Variants in XKR4 observed in about 807,000 individuals in gnomAD.
XKR4 encodes XK related 4, also known as XK-related protein 4.
In XKR4, 12 loss-of-function variants were observed where a neutral mutation model predicts 53.9. The observed-to-expected ratio is 0.22, with a 90% CI of 0.14 to 0.36. XKR4 has a LOEUF of 0.36. Among genes scored for constraint, XKR4 ranks in the 10% least tolerant of loss-of-function variants. XKR4 has a pLI of 1.00. For missense variants in XKR4, 799 were observed against 859.5 expected (o/e 0.93, Z 0.88); for synonymous variants, 354 against 362.4 (o/e 0.98, Z 0.26).
intron 1 of XKR4, among the ~76,000 whole-genome samples, chr8:55,217,365 A>C (rs1817817844): frequency 6.6e-6 from 1 of 152,220 alleles, no homozygotes; most frequent in Admixed American, 6.5e-5. Context: ...TAAACTACAA[A>C]GTGACACCAC....
chr8:55,454,597 G>A, intron 2 of XKR4: 1 of 1,401,412 alleles, frequency 7.1e-7, no homozygotes, highest in South Asian at 1.2e-5. Context: ...CCGGTCACCA[G>A]CCCCCAAATA....
chr8:55,155,977 A>T (rs1391212889), intron 1 of XKR4, among the ~76,000 whole-genome samples: 2 of 152,192 alleles, frequency 1.3e-5, no homozygotes, highest in Non-Finnish European at 2.9e-5. Flanking sequence ...CACACAAAAA[A>T]ATATCACTCA....
intron 2 of XKR4, among the ~76,000 whole-genome samples, chr8:55,481,639 C>T (rs1277841728): frequency 6.6e-6 from 1 of 151,810 alleles, no homozygotes; most frequent in African/African-American, 2.4e-5. Flanking sequence ...TTTTTGCAAC[C>T]TACTCATCTG....
chr8:55,401,431 G>C (rs1465737596), intron 2 of XKR4, among the ~76,000 whole-genome samples: 1 of 152,248 alleles, frequency 6.6e-6, no homozygotes, highest in East Asian at 1.9e-4. Context: ...ACCAGCTAAG[G>C]CTGAGGACAA....
intron 1 of XKR4, among the ~76,000 whole-genome samples, chr8:55,165,810 AAAAAAAAAG>A (rs1434945099): frequency 6.6e-6 from 1 of 151,712 alleles, no homozygotes; most frequent in African/African-American, 2.4e-5. Flanking sequence ...GTCTCAAAAA[AAAAAAAAAG>A]AAAAAAAAAG....
chr8:55,275,238 G>T (rs1216891143), intron 1 of XKR4, among the ~76,000 whole-genome samples: 1 of 152,028 alleles, frequency 6.6e-6, no homozygotes, highest in Non-Finnish European at 1.5e-5. Flanking sequence ...GGTTTTTAAA[G>T]CATGTGATTA....
At chr8:55,447,071 A>G (rs1805358308) in intron 2 of XKR4, among the ~76,000 whole-genome samples, 1 of 151,308 alleles carries the variant, frequency 6.6e-6, no homozygotes, top group African/African-American at 2.4e-5. Flanking sequence ...AAAAAAAAAA[A>G]GCAGAGGTTA....
chr8:55,471,309 G>T (rs1473115659), intron 2 of XKR4, among the ~76,000 whole-genome samples: 2 of 152,088 alleles, frequency 1.3e-5, no homozygotes, highest in Non-Finnish European at 2.9e-5. Flanking sequence ...AAGTAGGAAA[G>T]GATTAGAGAC....
chr8:55,291,488 C>T (rs994473733), intron 1 of XKR4, among the ~76,000 whole-genome samples: 2 of 152,164 alleles, frequency 1.3e-5, no homozygotes, highest in African/African-American at 4.8e-5. Flanking sequence ...CTCTCCCAAT[C>T]CACCAATGTG....
At chr8:55,374,021 A>G (rs1804112728) in intron 2 of XKR4, among the ~76,000 whole-genome samples, 1 of 152,222 alleles carries the variant, frequency 6.6e-6, no homozygotes, top group East Asian at 1.9e-4. Flanking sequence ...CAAGTGCGGT[A>G]GCACAGCCAA....
At chr8:55,132,328 T>G (rs1315589048) in intron 1 of XKR4, among the ~76,000 whole-genome samples, 1 of 152,194 alleles carries the variant, frequency 6.6e-6, no homozygotes, top group African/African-American at 2.4e-5. Context: ...TTGTCCCCCC[T>G]TATCCACAAG....
chr8:55,318,833 G>C (rs748222282), intron 1 of XKR4, among the ~76,000 whole-genome samples: 15 of 152,256 alleles, frequency 9.9e-5, no homozygotes, highest in Admixed American at 3.9e-4. Context: ...CAGGAAAAGA[G>C]TTGTTATAAG....
At position 55,195,253 on chromosome 8, in the gene XKR4, A is replaced by G. The variant is rs1817490424; in HGVS notation, c.806+91959A>G. Reference sequence around the variant, plus strand: ...TAATGTTAATAATTATCTATCAAAAATATAACGTTTATGTTTTTGATGAAT... The same window carrying G: ...TAATGTTAATAATTATCTATCAAAAGTATAACGTTTATGTTTTTGATGAAT... On this transcript the variant is annotated intron_variant, in intron 1 of 2. Transcript: ENST00000327381. Among the ~76,000 whole-genome samples the G allele has an allele frequency of 1.6e-5, 2 of 124,820 alleles. 1 individual carries two copies. Among genetic ancestry groups the G allele is most frequent in the Non-Finnish European group, 3.6e-5 (2 of 55,028 alleles). The allele number at this position is 124,820 out of a possible 152,430, so 81.9% of individuals were successfully genotyped here.
intron 2 of XKR4, among the ~76,000 whole-genome samples, chr8:55,448,416 A>AT (rs1230388745): frequency 6.6e-6 from 1 of 152,160 alleles, no homozygotes; most frequent in East Asian, 1.9e-4. Flanking sequence ...GATTGAAGGG[A>AT]TTTTTGCAAT....
chr8:55,188,040 C>T (rs1817401287), intron 1 of XKR4, among the ~76,000 whole-genome samples: 1 of 152,030 alleles, frequency 6.6e-6, no homozygotes, highest in Non-Finnish European at 1.5e-5. Context: ...ATAACTTTTG[C>T]CTAGTGCCGG....
rs550354804 is a variant in XKR4 at position 55,191,751 on chromosome 8, T to C, written c.806+88457T>C. ...GTAAAATTTTAGAATAGTCTGAAGA[T>C]TTTTTCCTTTAATTTTACAATTTTA... On this transcript the variant is annotated intron_variant, in intron 1 of 2. Transcript: ENST00000327381. 2.6e-5 allele frequency among the ~76,000 whole-genome samples: 4 copies of C among 151,840 alleles called. No individual in the cohort carries two copies. The South Asian group carries it at 8.3e-4, about 32-fold the overall frequency.
intron 2 of XKR4, among the ~76,000 whole-genome samples, chr8:55,490,617 TA>T (rs949344662): frequency 1.3e-5 from 2 of 152,172 alleles, no homozygotes; most frequent in African/African-American, 4.8e-5. Context: ...AATATAAAAT[TA>T]AAAATAAAAG....
chr8:55,437,688 G>T (rs1413496464), intron 2 of XKR4, among the ~76,000 whole-genome samples: 1 of 152,184 alleles, frequency 6.6e-6, no homozygotes, highest in Non-Finnish European at 1.5e-5. Context: ...GGGAGGAAGT[G>T]TTGCATACTG....
chr8:55,420,874 C>T (rs944154102), intron 2 of XKR4, among the ~76,000 whole-genome samples: 1 of 152,108 alleles, frequency 6.6e-6, no homozygotes, highest in South Asian at 2.1e-4. Context: ...TGATAAACTA[C>T]ACTTTTCTAT....
Sources: allele counts gnomAD v4.1 joint callset (sites outside exome capture counted in the v4.1 genomes callset), GRCh38; gene constraint gnomAD v4.1.1; transcripts MANE v1.5; gene names NCBI Gene and HGNC (gene_info 2026-07-23, HGNC 2026-07-21).